The following AFF1 variants were observed in gnomAD, a reference collection of about 807,000 sequenced individuals.
The protein encoded by AFF1 is ALF transcription elongation factor 1.
A neutral mutation model predicts 121.7 loss-of-function variants in AFF1; 48 were observed. The ratio of observed to expected loss-of-function variants is 0.39; its 90% CI spans 0.31 to 0.50. The LOEUF (loss-of-function observed/expected upper bound fraction) is 0.50, where lower values mean the gene tolerates loss of function less well. AFF1 is among the 20% of genes least tolerant of loss of function. The pLI is 0.76. For synonymous variants in AFF1, 613 were observed against 563.0 expected (o/e 1.09, Z -1.26); for missense variants, 1,523 against 1,511.7 (o/e 1.01, Z -0.12).
At chr4:87,120,579 A>G (rs898011974) in intron 12 of AFF1, among the ~76,000 whole-genome samples, 2 of 152,178 alleles carry the variant, frequency 1.3e-5, no homozygotes, top group African/African-American at 2.4e-5. Context: ...TTTTCTCCGT[A>G]CAAGTGTCTG....
chr4:86,977,862 G>T (rs141667466), intron 2 of AFF1, among the ~76,000 whole-genome samples: 1 of 152,160 alleles, frequency 6.6e-6, no homozygotes, highest in Non-Finnish European at 1.5e-5. Context: ...GTCTGGGCAC[G>T]TTGCTATGGG....
rs757860511 is a variant in AFF1, at chr4:87,105,707, C to CCAGG, written c.1338+26_1338+29dup. On this transcript the variant is annotated intron_variant, in intron 9 of 20. Transcript: ENST00000395146. ...AGTAAGTGTTGCACAGCCTGTAATA[C>CCAGG]CAGGAGTCCTTTTAAATACATCTAA... The CCAGG allele has an allele frequency of 4.3e-6, 7 of 1,613,868 alleles. No individual in the cohort carries two copies. The South Asian group carries it at 7.7e-5, about 18-fold the overall frequency.
intron 1 of AFF1, among the ~76,000 whole-genome samples, chr4:86,941,515 C>T (rs866883257): frequency 3.9e-5 from 6 of 151,962 alleles, no homozygotes; most frequent in African/African-American, 7.3e-5. Flanking sequence ...AAAAATTAGC[C>T]GGCGTGGTAG....
intron 2 of AFF1, among the ~76,000 whole-genome samples, chr4:86,975,724 A>T (rs769612155): frequency 6.6e-6 from 1 of 152,220 alleles, no homozygotes; most frequent in Non-Finnish European, 1.5e-5. Context: ...TATCAGAGTT[A>T]GGTGTTGAAA....
intron 2 of AFF1, among the ~76,000 whole-genome samples, chr4:87,027,898 G>A (rs1728690382): frequency 1.4e-5 from 2 of 147,492 alleles, no homozygotes; most frequent in South Asian, 4.3e-4. Context: ...GGGTTCAAGT[G>A]ATTCTCCTGC....
chr4:87,059,595 C>T (rs544704516), intron 4 of AFF1, among the ~76,000 whole-genome samples: 3 of 152,256 alleles, frequency 2.0e-5, no homozygotes, highest in South Asian at 2.1e-4. Flanking sequence ...CAGATCAAGT[C>T]GTACTTTTTC....
At chr4:87,037,016 C>T (rs931697496) in intron 2 of AFF1, among the ~76,000 whole-genome samples, 3 of 152,152 alleles carry the variant, frequency 2.0e-5, no homozygotes, top group South Asian at 4.1e-4. Context: ...TTCTGCTTTA[C>T]GCAGATGGAT....
At chr4:86,938,449 C>CAA (rs35867614) in intron 1 of AFF1, among the ~76,000 whole-genome samples, 7,208 of 99,904 alleles carry the variant, frequency 0.072, 303 homozygotes, top group Non-Finnish European at 0.11. Flanking sequence ...GACTCCGTCT[C>CAA]AAAAAAAAAA....
intron 4 of AFF1, among the ~76,000 whole-genome samples, chr4:87,082,135 C>T (rs1027006818): frequency 2.0e-5 from 3 of 152,164 alleles, no homozygotes; most frequent in Non-Finnish European, 4.4e-5. Flanking sequence ...CTCATTCCAG[C>T]AACACGTAGG....
intron 2 of AFF1, among the ~76,000 whole-genome samples, chr4:86,990,649 T>G (rs950407537): frequency 3.3e-5 from 5 of 152,098 alleles, no homozygotes; most frequent in Non-Finnish European, 7.3e-5. Flanking sequence ...AATATGAAAT[T>G]GCTGTCATCA....
chr4:87,007,512 G>T, intron 2 of AFF1: 1 of 1,557,344 alleles, frequency 6.4e-7, no homozygotes. Context: ...CGGGGAAGGA[G>T]ACGGACAGGA....
At position 86,948,547 on chromosome 4, in the gene AFF1, A is replaced by G. The variant is rs769802255; in HGVS notation, c.14A>G (p.Glu5Gly). 2.0e-6 allele frequency: 3 copies of G among 1,537,006 alleles called. No individual in the cohort carries two copies. The highest frequency in any genetic ancestry group is 1.7e-6 in the Non-Finnish European group (2 of 1,146,740). The stretch of plus-strand genomic sequence containing the variant: ...TGACTGGAAACAATGGCATTTACAG[A>G]AAGAGTCAACAGCAGTGGCAACAGG... Reference protein sequence around the residue: MAFTERVNSSGNSLY... With the variant: MAFTGRVNSSGNSLY... Residue 5 changes from glutamate to glycine, a missense_variant, in exon 2 of 21, where the codon GAA (glutamate) becomes GGA (glycine). By Grantham distance (98) the Glu-to-Gly change is moderately conservative. This residue lies in a region of AFF1 where 369 missense variants were observed against 367.2 expected (regional missense o/e 1.00). Coordinates refer to ENST00000395146, the MANE Select transcript of AFF1 (RefSeq NM_001166693.3).
chr4:86,951,336 T>C (rs148363665), intron 2 of AFF1, among the ~76,000 whole-genome samples: 13 of 150,250 alleles, frequency 8.7e-5, no homozygotes, highest in Non-Finnish European at 1.6e-4. Flanking sequence ...CCTGCAGACA[T>C]CATCTGCTTT....
chr4:87,006,928 C>G (rs1414157859), intron 2 of AFF1: 3 of 1,014,638 alleles, frequency 3.0e-6, no homozygotes, highest in Non-Finnish European at 3.5e-6. Context: ...GGCCGTACCA[C>G]CGCAACTTTC....
intron 12 of AFF1, among the ~76,000 whole-genome samples, chr4:87,122,881 TAAAAAAA>T (rs3036188): frequency 7.7e-4 from 74 of 96,642 alleles, no homozygotes; most frequent in Admixed American, 1.7e-3. Context: ...GGAAAATTAG[TAAAAAAA>T]AAAAAAAAAA....
intron 2 of AFF1, among the ~76,000 whole-genome samples, chr4:86,995,382 C>A (rs952761979): frequency 1.1e-4 from 17 of 149,382 alleles, no homozygotes; most frequent in Admixed American, 1.0e-3. Flanking sequence ...GACGGTACTG[C>A]TGCCATCTCG....
At chr4:87,084,503 C>A (rs968068270) in intron 5 of AFF1, among the ~76,000 whole-genome samples, 2 of 151,474 alleles carry the variant, frequency 1.3e-5, no homozygotes, top group African/African-American at 4.9e-5. Context: ...GAGCTGAGAT[C>A]ACGCCACTGC....
intron 4 of AFF1, among the ~76,000 whole-genome samples, chr4:87,066,408 G>A (rs1005767707): frequency 7.2e-5 from 11 of 151,938 alleles, no homozygotes; most frequent in African/African-American, 1.5e-4. Context: ...AACATAGACC[G>A]CCCCCCATCC....
Position 87,114,888 on chromosome 4 carries a change from C to T in AFF1, c.2055C>T (p.Ala685=). ...EKKKHKSSLP[A]PSKALSGPEP... ...AGAAGCACAAGAGCTCCCTCCCTGC[C>T]CCCTCTAAGGCTCTCTCAGGCCCAG... is the stretch of plus-strand genomic sequence containing the variant. The change falls in exon 12 of 21, where the codon GCC becomes GCT. Residue 685 remains alanine, a synonymous_variant. Transcript: ENST00000395146. 1 of 1,613,196 alleles carries T rather than the reference C, an allele frequency of 6.2e-7. No homozygotes were observed. The highest frequency in any genetic ancestry group is 8.5e-7 in the Non-Finnish European group (1 of 1,179,640).
Sources: allele counts gnomAD v4.1 joint callset (sites outside exome capture counted in the v4.1 genomes callset), GRCh38; gene constraint gnomAD v4.1.1; regional missense constraint gnomAD v4.1.1; transcripts MANE v1.5; gene names NCBI Gene and HGNC (gene_info 2026-07-23, HGNC 2026-07-21).